ELMOD1: variants seen among roughly 807,000 people sequenced by gnomAD.
ELMOD1 encodes the protein ELMO domain-containing protein 1.
Under a neutral mutation model 46.7 loss-of-function variants are expected in ELMOD1, and 21 were observed. That is an observed-to-expected ratio of 0.45 (90% confidence interval 0.32 to 0.65). ELMOD1 has a LOEUF of 0.65. ELMOD1 is among the 30% of genes least tolerant of loss of function. ELMOD1 has a pLI of 0.04. For missense variants in ELMOD1, 348 were observed against 407.8 expected (o/e 0.85, Z 1.26); for synonymous variants, 122 against 138.2 (o/e 0.88, Z 0.82).
intron 6 of ELMOD1, among the ~76,000 whole-genome samples, chr11:107,646,851 G>T (rs1230091289): frequency 1.3e-5 from 2 of 151,414 alleles, no homozygotes; most frequent in African/African-American, 4.9e-5. Flanking sequence ...AATAATAGGT[G>T]GTCTTGAAAT....
At chr11:107,660,704 T>C (rs74622678) in intron 11 of ELMOD1, among the ~76,000 whole-genome samples, 6,023 of 152,298 alleles carry the variant, frequency 0.04, 175 homozygotes, top group African/African-American at 0.08. Flanking sequence ...ATCTGAAAGA[T>C]GGAGATGTAA....
chr11:107,599,673 C>T (rs562954120), intron 1 of ELMOD1, among the ~76,000 whole-genome samples: 4 of 132,670 alleles, frequency 3.0e-5, no homozygotes, highest in Admixed American at 1.9e-4. Flanking sequence ...ACCCAGGAGG[C>T]AGAGGTTACA....
At chr11:107,618,299 T>C (rs376413761) in intron 2 of ELMOD1, 93 bp downstream of exon 2, 113 of 1,392,868 alleles carry the variant, frequency 8.1e-5, no homozygotes, top group Non-Finnish European at 1.1e-4. Context: ...TTTGTGATCC[T>C]GTGACCAGGA....
chr11:107,606,036 CT>C (rs1232143632), intron 1 of ELMOD1, among the ~76,000 whole-genome samples: 2 of 151,950 alleles, frequency 1.3e-5, no homozygotes, highest in African/African-American at 4.8e-5. Context: ...TTTTCTTTTT[CT>C]TTTCTTTCCT....
chr11:107,642,438 G>T (rs971119343), intron 6 of ELMOD1, among the ~76,000 whole-genome samples: 4 of 149,248 alleles, frequency 2.7e-5, no homozygotes, highest in South Asian at 2.2e-4. Context: ...GCACGATCTC[G>T]GCTCACTGCA....
chr11:107,624,760 A>T (rs1866012651), intron 2 of ELMOD1, among the ~76,000 whole-genome samples: 1 of 152,210 alleles, frequency 6.6e-6, no homozygotes, highest in East Asian at 1.9e-4. Context: ...TACACTATTA[A>T]TTAATTTATT....
chr11:107,627,909 C>T (rs1175109301), intron 2 of ELMOD1, among the ~76,000 whole-genome samples: 1 of 152,024 alleles, frequency 6.6e-6, no homozygotes, highest in African/African-American at 2.4e-5. Context: ...GGTGCAAGCC[C>T]GCAGATGGGG....
At chr11:107,654,290 C>T (rs1254966739) in intron 10 of ELMOD1, 68 bp downstream of exon 10, 2 of 1,352,526 alleles carry the variant, frequency 1.5e-6, no homozygotes, top group African/African-American at 2.9e-5. Context: ...ACTAGAGTAT[C>T]ATGAAAGACA....
intron 6 of ELMOD1, among the ~76,000 whole-genome samples, chr11:107,636,140 T>G (rs1283736935): frequency 6.6e-6 from 1 of 152,206 alleles, no homozygotes; most frequent in Non-Finnish European, 1.5e-5. Context: ...TTAATACACA[T>G]CAGAGAAGAT....
chr11:107,657,718 T>G (rs1473671535), intron 11 of ELMOD1, among the ~76,000 whole-genome samples: 1 of 152,186 alleles, frequency 6.6e-6, no homozygotes, highest in Non-Finnish European at 1.5e-5. Context: ...AGGAAGCTTA[T>G]TTCCACAAAA....
chr11:107,647,718 C>T (rs1411960628), intron 7 of ELMOD1, 117 bp downstream of exon 7: 1 of 1,033,436 alleles, frequency 9.7e-7, no homozygotes, highest in Non-Finnish European at 1.3e-6. Context: ...TCAAAGAAAA[C>T]ATTCAAGTCC....
chr11:107,651,234 G>C (rs1866521254), intron 9 of ELMOD1, among the ~76,000 whole-genome samples: 1 of 152,114 alleles, frequency 6.6e-6, no homozygotes, highest in Non-Finnish European at 1.5e-5. Flanking sequence ...CATTTTATTT[G>C]GGAATTCTGT....
chr11:107,652,015 A>G (rs1177193042), intron 9 of ELMOD1, among the ~76,000 whole-genome samples: 1 of 152,206 alleles, frequency 6.6e-6, no homozygotes, highest in Admixed American at 6.5e-5. Context: ...GCATGCATAT[A>G]TGTGTAGTCA....
chr11:107,596,136 A>G (rs1865489147), intron 1 of ELMOD1, among the ~76,000 whole-genome samples: 1 of 152,110 alleles, frequency 6.6e-6, no homozygotes, highest in African/African-American at 2.4e-5. Flanking sequence ...GGTAATTAGA[A>G]TGCTGGTTTT....
At chr11:107,613,519 GT>G (rs148807179) in intron 1 of ELMOD1, among the ~76,000 whole-genome samples, 4,025 of 152,194 alleles carry the variant, frequency 0.026, 83 homozygotes, top group South Asian at 0.054. Flanking sequence ...ACTATGCTGC[GT>G]TACTCAGCAC....
At chr11:107,601,111 C>G (rs1177064780) in intron 1 of ELMOD1, among the ~76,000 whole-genome samples, 6 of 152,080 alleles carry the variant, frequency 3.9e-5, no homozygotes, top group Non-Finnish European at 7.4e-5. Context: ...ATTTGTCTTT[C>G]TCAGGAATAC....
At chr11:107,641,595 G>C (rs1203630980) in intron 6 of ELMOD1, among the ~76,000 whole-genome samples, 3 of 152,084 alleles carry the variant, frequency 2.0e-5, no homozygotes, top group Non-Finnish European at 4.4e-5. Flanking sequence ...AGGCAGACAG[G>C]GCAGGCTTCC....
chr11:107,635,804 A>G (rs1181265603), intron 6 of ELMOD1, 39 bp downstream of exon 6: 5 of 1,583,466 alleles, frequency 3.2e-6, no homozygotes, highest in Non-Finnish European at 4.3e-6. Flanking sequence ...CCTCTAAGTC[A>G]GCTGACATTT....
Position 107,622,133 on chromosome 11 carries a change from T to C in ELMOD1, c.17+3927T>C, listed in dbSNP as rs368345319. On this transcript the variant is annotated intron_variant, in intron 2 of 11. Transcript: ENST00000265840. The stretch of plus-strand genomic sequence containing the variant: ...AAGATATATAAAAGAATGCGATCAG[T>C]GACAGGTTATAAACATTTTGTGAAG... Among the ~76,000 whole-genome samples the C allele has an allele frequency of 2.7e-3, 413 of 152,234 alleles. 4 individuals carry two copies. The highest frequency in any genetic ancestry group is 9.5e-3 in the African/African-American group (395 of 41,536).
Sources: gnomAD v4.1 joint callset for allele counts (sites outside exome capture counted in the v4.1 genomes callset) on GRCh38, gnomAD v4.1.1 for gene constraint, MANE v1.5 for transcripts, NCBI Gene and HGNC (gene_info 2026-07-23, HGNC 2026-07-21) for gene names.